Variants in HTR1F observed in about 807,000 individuals in gnomAD.
The protein encoded by HTR1F is 5-hydroxytryptamine (serotonin) receptor 1F, G protein-coupled.
In HTR1F, 17 loss-of-function variants were observed where a neutral mutation model predicts 24.0. That is an observed-to-expected ratio of 0.71 (90% CI 0.48 to 1.06). HTR1F has a LOEUF of 1.06. HTR1F is among the 50% of genes least tolerant of loss of function. The pLI is 0.00. For synonymous variants in HTR1F, 186 were observed against 156.8 expected (o/e 1.19, Z -1.39); for missense variants, 391 against 427.8 (o/e 0.91, Z 0.76).
intron 2 of HTR1F, among the ~76,000 whole-genome samples, chr3:87,908,391 G>A (rs537977419): frequency 3.3e-5 from 5 of 152,086 alleles, no homozygotes; most frequent in South Asian, 2.1e-4. Flanking sequence ...CAGCTGGTAG[G>A]AAAGTCTTCT....
At chr3:87,975,573 G>C (rs1705378666) in intron 2 of HTR1F, among the ~76,000 whole-genome samples, 2 of 151,886 alleles carry the variant, frequency 1.3e-5, no homozygotes, top group Admixed American at 6.6e-5. Context: ...GTCTAAAACA[G>C]GAAGAAACAA....
chr3:87,970,826 T>C (rs1210427778), intron 2 of HTR1F, among the ~76,000 whole-genome samples: 3 of 152,228 alleles, frequency 2.0e-5, no homozygotes, highest in Non-Finnish European at 4.4e-5. Flanking sequence ...CAGCAAGATA[T>C]ATAATCCAAC....
intron 2 of HTR1F, among the ~76,000 whole-genome samples, chr3:87,836,743 C>G (rs529689915): frequency 2.6e-5 from 4 of 152,220 alleles, no homozygotes; most frequent in Non-Finnish European, 4.4e-5. Context: ...TGTATCAACT[C>G]TCTCCTACAT....
intron 2 of HTR1F, among the ~76,000 whole-genome samples, chr3:87,875,336 G>A (rs537854696): frequency 6.6e-6 from 1 of 151,928 alleles, no homozygotes; most frequent in South Asian, 2.1e-4. Context: ...TGTAATCCCA[G>A]CTACTCAGAG....
At chr3:87,836,309 T>C (rs1356305914) in intron 2 of HTR1F, among the ~76,000 whole-genome samples, 10 of 152,174 alleles carry the variant, frequency 6.6e-5, no homozygotes, top group Admixed American at 4.6e-4. Context: ...CATTGAGATG[T>C]TGGGTTTTTT....
chr3:87,901,291 T>C (rs1293820087), intron 2 of HTR1F, among the ~76,000 whole-genome samples: 1 of 151,960 alleles, frequency 6.6e-6, no homozygotes, highest in African/African-American at 2.4e-5. Flanking sequence ...TAAGATAAAT[T>C]GAACTCATGA....
intron 2 of HTR1F, among the ~76,000 whole-genome samples, chr3:87,959,313 G>T (rs1338645640): frequency 2.6e-5 from 4 of 151,758 alleles, no homozygotes; most frequent in Admixed American, 6.6e-5. Flanking sequence ...AAGGCAATTA[G>T]TACACCATAA....
At chr3:87,882,278 C>T (rs1015056936) in intron 2 of HTR1F, among the ~76,000 whole-genome samples, 4 of 152,192 alleles carry the variant, frequency 2.6e-5, no homozygotes, top group East Asian at 1.9e-4. Flanking sequence ...TAAACATCAA[C>T]CACTGTGGAA....
intron 2 of HTR1F, among the ~76,000 whole-genome samples, chr3:87,832,113 T>C (rs1195194895): frequency 4.6e-5 from 7 of 152,274 alleles, no homozygotes; most frequent in African/African-American, 2.4e-5. Flanking sequence ...CTGTGCCACC[T>C]GCCTAGAAGC....
intron 2 of HTR1F, among the ~76,000 whole-genome samples, chr3:87,910,022 C>T (rs1333163701): frequency 6.6e-6 from 1 of 151,998 alleles, no homozygotes; most frequent in Non-Finnish European, 1.5e-5. Context: ...TGCCAAAATT[C>T]TATCCTATGT....
intron 2 of HTR1F, among the ~76,000 whole-genome samples, chr3:87,928,977 T>C (rs1263455145): frequency 1.3e-5 from 2 of 152,202 alleles, no homozygotes; most frequent in Non-Finnish European, 2.9e-5. Flanking sequence ...TCCATTTTTA[T>C]TTTCAAGAAG....
At position 87,991,897 on chromosome 3, in the gene HTR1F, A is replaced by T. The variant is rs753466616; in HGVS notation, c.*47A>T. The T allele has an allele frequency of 6.8e-7, 1 of 1,477,194 alleles. No individual in the cohort carries two copies. Among genetic ancestry groups the T allele is most frequent in the East Asian group, 2.3e-5 (1 of 43,588 alleles). 91.5% of individuals were successfully genotyped at this position (1,477,194 alleles called of 1,614,324 possible). Reference sequence around the variant, plus strand: ...AAGGATGGGGGTTTTTGAGGGGAGGAATAACTAGATGAATGCCAAATAATA... The same window carrying T: ...AAGGATGGGGGTTTTTGAGGGGAGGTATAACTAGATGAATGCCAAATAATA... On this transcript the variant is annotated 3_prime_UTR_variant, in exon 3 of 3. Coordinates refer to ENST00000319595, the MANE Select transcript of HTR1F (RefSeq NM_001322209.2).
intron 2 of HTR1F, among the ~76,000 whole-genome samples, chr3:87,931,572 G>A (rs1325813872): frequency 1.3e-5 from 2 of 152,172 alleles, no homozygotes; most frequent in African/African-American, 2.4e-5. Flanking sequence ...CCAGTAATGG[G>A]ATGGCTGGAT....
chr3:87,962,052 C>G (rs1705074282), intron 2 of HTR1F, among the ~76,000 whole-genome samples: 5 of 152,016 alleles, frequency 3.3e-5, no homozygotes, highest in Admixed American at 1.3e-4. Context: ...AATGTGCTAT[C>G]TACATTGCAT....
chr3:87,970,151 G>A (rs865970500), intron 2 of HTR1F, among the ~76,000 whole-genome samples: 4 of 152,328 alleles, frequency 2.6e-5, no homozygotes, highest in Middle Eastern at 6.8e-3. Flanking sequence ...AATGTAGGTT[G>A]CAACATTAAG....
chr3:87,922,163 C>T (rs1284440826), intron 2 of HTR1F, among the ~76,000 whole-genome samples: 1 of 151,850 alleles, frequency 6.6e-6, no homozygotes, highest in Non-Finnish European at 1.5e-5. Flanking sequence ...AAGAGTTTCC[C>T]TTTCTCTCCA....
intron 2 of HTR1F, among the ~76,000 whole-genome samples, chr3:87,902,836 A>G (rs1706359155): frequency 6.9e-6 from 1 of 145,638 alleles, no homozygotes; most frequent in Non-Finnish European, 1.5e-5. Flanking sequence ...CCTATGAGTG[A>G]GAATATGCGG....
chr3:87,848,001 C>A (rs1704984875), intron 2 of HTR1F, among the ~76,000 whole-genome samples: 1 of 151,878 alleles, frequency 6.6e-6, no homozygotes, highest in East Asian at 1.9e-4. Context: ...CTTTGATATG[C>A]TGATTTATTT....
intron 2 of HTR1F, among the ~76,000 whole-genome samples, chr3:87,932,847 A>T (rs559502563): frequency 6.6e-6 from 1 of 151,822 alleles, no homozygotes; most frequent in Non-Finnish European, 1.5e-5. Context: ...TCCCTAACTC[A>T]TTTTATGAGG....
Sources: gnomAD v4.1 joint callset for allele counts (sites outside exome capture counted in the v4.1 genomes callset) on GRCh38, gnomAD v4.1.1 for gene constraint, MANE v1.5 for transcripts, NCBI Gene and HGNC (gene_info 2026-07-23, HGNC 2026-07-21) for gene names.